Variants in DESI2 observed in about 807,000 individuals in gnomAD.
The protein encoded by DESI2 is desumoylating isopeptidase 2, also known as deubiquitinase DESI2.
DESI2 carries 10 observed loss-of-function variants against 24.1 expected under a neutral mutation model. That is an observed-to-expected ratio of 0.41 (90% CI 0.26 to 0.70). The LOEUF is 0.70. Ranked by LOEUF, DESI2 falls within the 30% of genes least tolerant of loss-of-function variation. The pLI, the probability that DESI2 is intolerant of heterozygous loss-of-function variation, is 0.29. For synonymous variants in DESI2, 71 were observed against 87.7 expected (o/e 0.81, Z 1.06); for missense variants, 122 against 234.9 (o/e 0.52, Z 3.14).
chr1:244,668,685 GGA>G (rs1449493059), intron 1 of DESI2, among the ~76,000 whole-genome samples: 2 of 152,064 alleles, frequency 1.3e-5, no homozygotes, highest in African/African-American at 2.4e-5. Flanking sequence ...CTTTCAAGCA[GGA>G]AGCATAAAAT....
At chr1:244,677,908 A>C (rs1048522417) in intron 1 of DESI2, among the ~76,000 whole-genome samples, 12 of 152,296 alleles carry the variant, frequency 7.9e-5, no homozygotes, top group African/African-American at 2.4e-4. Context: ...CGACAGAGTG[A>C]GACCCTGTCT....
At chr1:244,658,282 A>G (rs1317259156) in intron 1 of DESI2, among the ~76,000 whole-genome samples, 1 of 152,150 alleles carries the variant, frequency 6.6e-6, no homozygotes. Context: ...TCCCTCTTCT[A>G]TATAACAGTC....
chr1:244,663,224 C>T (rs1225261798), intron 1 of DESI2, among the ~76,000 whole-genome samples: 1 of 151,608 alleles, frequency 6.6e-6, no homozygotes, highest in Non-Finnish European at 1.5e-5. Flanking sequence ...CTCGCTCTGT[C>T]GCCCAGGCTG....
At chr1:244,698,613 C>T (rs1178769306) in intron 4 of DESI2, among the ~76,000 whole-genome samples, 1 of 152,214 alleles carries the variant, frequency 6.6e-6, no homozygotes, top group Non-Finnish European at 1.5e-5. Flanking sequence ...GGACTTGACG[C>T]TTGAGCTAAA....
chr1:244,689,296 A>G lies in DESI2; in HGVS notation c.163A>G (p.Ile55Val). 6.3e-7 allele frequency: 1 copy of G among 1,594,314 alleles called. No homozygotes were observed. The highest frequency in any genetic ancestry group is 2.2e-5 in the East Asian group (1 of 44,748). The change falls in exon 3 of 5, where the codon ATT becomes GTT. Residue 55 changes from isoleucine to valine, a missense_variant. Ile to Val is a conservative substitution (Grantham distance 29). Coordinates refer to ENST00000302550, the MANE Select transcript of DESI2 (RefSeq NM_016076.5). The surrounding 1 kb of genome is among the most constrained non-coding windows in gnomAD (Gnocchi z 4.0). ...HPYPFSGIFE[I>V]SPGNASELGE... ...TTACCCCTTTTCTGGAATATTTGAA[A>G]TTTCCCCAGGAAATGCTTCTGAACT...
intron 1 of DESI2, among the ~76,000 whole-genome samples, chr1:244,680,138 A>T (rs1179601595): frequency 6.6e-6 from 1 of 150,478 alleles, no homozygotes; most frequent in African/African-American, 2.4e-5. Context: ...GCTAACACTG[A>T]TATTTTTTTA....
intron 4 of DESI2, among the ~76,000 whole-genome samples, chr1:244,700,054 ACT>A (rs777549071): frequency 1.3e-5 from 2 of 152,082 alleles, no homozygotes; most frequent in Non-Finnish European, 2.9e-5. Flanking sequence ...TGAAACAAAA[ACT>A]CAAACTAAGT....
At chr1:244,653,755 C>G (rs892832626) in intron 1 of DESI2, 2 of 339,230 alleles carry the variant, frequency 5.9e-6, no homozygotes, top group Admixed American at 4.6e-5. Flanking sequence ...GCTCCCAGCT[C>G]CTCTGCTTCT....
chr1:244,703,644 C>G (rs903496863), intron 4 of DESI2, among the ~76,000 whole-genome samples: 3 of 147,898 alleles, frequency 2.0e-5, no homozygotes, highest in African/African-American at 7.5e-5. Flanking sequence ...AGCCACCATG[C>G]CTGGCCTCAT....
At chr1:244,675,443 A>G (rs959039027) in intron 1 of DESI2, among the ~76,000 whole-genome samples, 2 of 152,150 alleles carry the variant, frequency 1.3e-5, no homozygotes, top group African/African-American at 4.8e-5. Context: ...GATCCATTAA[A>G]TTAATTTTTA....
chr1:244,663,580 A>G (rs1356344086), intron 1 of DESI2, among the ~76,000 whole-genome samples: 2 of 152,208 alleles, frequency 1.3e-5, no homozygotes, highest in Non-Finnish European at 2.9e-5. Flanking sequence ...GCTTATACCA[A>G]AGGCTGAATA....
At position 244,686,675 on chromosome 1, in the gene DESI2, T is replaced by C. The variant is rs771382547; in HGVS notation, c.115+6T>C. The C allele has an allele frequency of 7.0e-6, 11 of 1,572,596 alleles. No homozygotes were observed. Among genetic ancestry groups the C allele is most frequent in the African/African-American group, 1.3e-5 (1 of 74,074 alleles). Reference sequence around the variant, plus strand: ...AATTGAAGTCTATGGCAGAGGTACGTGTACACACAGTCTAAATATACTCTC... The same window carrying C: ...AATTGAAGTCTATGGCAGAGGTACGCGTACACACAGTCTAAATATACTCTC... On this transcript the variant is annotated splice_donor_region_variant and intron_variant, in intron 2 of 4. Coordinates refer to ENST00000302550, the MANE Select transcript of DESI2 (RefSeq NM_016076.5).
At chr1:244,659,552 A>G (rs537245123) in intron 1 of DESI2, among the ~76,000 whole-genome samples, 13 of 152,326 alleles carry the variant, frequency 8.5e-5, no homozygotes, top group South Asian at 4.1e-4. Flanking sequence ...GCAGTCCTCC[A>G]TCTTCAGACC....
rs190342818 is a variant in DESI2 at position 244,705,808 on chromosome 1, A to G, written c.*19A>G. 14,137 of 1,557,756 alleles carry G rather than the reference A, an allele frequency of 9.1e-3. 80 individuals are homozygous for G. Among genetic ancestry groups the G allele is most frequent in the Non-Finnish European group, 0.011 (12,247 of 1,138,792 alleles). On this transcript the variant is annotated 3_prime_UTR_variant, in exon 5 of 5. Coordinates refer to ENST00000302550, the MANE Select transcript of DESI2 (RefSeq NM_016076.5). ...ACTATAAATGTCTCCAAAGTCACAC[A>G]TTCAGAACTGTCTCTGGCAGTCGAA...
At chr1:244,703,435 A>G (rs1242766773) in intron 4 of DESI2, among the ~76,000 whole-genome samples, 1 of 152,028 alleles carries the variant, frequency 6.6e-6, no homozygotes, top group Non-Finnish European at 1.5e-5. Flanking sequence ...GGCTCTCTGC[A>G]GCTTCAACCT....
chr1:244,675,326 C>T (rs1372482827), intron 1 of DESI2, among the ~76,000 whole-genome samples: 2 of 151,974 alleles, frequency 1.3e-5, no homozygotes, highest in Non-Finnish European at 2.9e-5. Flanking sequence ...TCTTTTGTTG[C>T]TTTTGCTTTT....
At chr1:244,680,614 T>A (rs1391659151) in intron 1 of DESI2, among the ~76,000 whole-genome samples, 1 of 152,208 alleles carries the variant, frequency 6.6e-6, no homozygotes, top group Non-Finnish European at 1.5e-5. Context: ...CTATTAATGA[T>A]GCTCAGTTCA....
chr1:244,689,740 C>T lies in DESI2; in HGVS notation c.209+398C>T, dbSNP rs888552858. Among the ~76,000 whole-genome samples the T allele has an allele frequency of 6.6e-6, 1 of 152,108 alleles. No homozygotes were observed. Among genetic ancestry groups the T allele is most frequent in the Non-Finnish European group, 1.5e-5 (1 of 68,016 alleles). On this transcript the variant is annotated intron_variant, in intron 3 of 4. Transcript: ENST00000302550. The surrounding 1 kb of genome is among the most constrained non-coding windows in gnomAD (Gnocchi z 4.0). ...GGCCAGGCTAGTCTTGAACTCCTGA[C>T]CTCAGGTGATCCACCTGCCTCGGCC...
At chr1:244,703,149 G>A (rs1677542455) in intron 4 of DESI2, among the ~76,000 whole-genome samples, 2 of 151,628 alleles carry the variant, frequency 1.3e-5, no homozygotes, top group South Asian at 4.2e-4. Flanking sequence ...TTACAGGTGT[G>A]TGCCACCACA....
Sources: gnomAD v4.1 joint callset for allele counts (sites outside exome capture counted in the v4.1 genomes callset) on GRCh38, gnomAD v4.1.1 for gene constraint, Gnocchi (gnomAD v3.1) non-coding constraint, MANE v1.5 for transcripts, NCBI Gene and HGNC (gene_info 2026-07-23, HGNC 2026-07-21) for gene names.